AKT3: variants seen among roughly 807,000 people sequenced by gnomAD.
AKT3 encodes the protein AKT serine/threonine kinase 3.
A neutral mutation model predicts 65.3 loss-of-function variants in AKT3; 15 were observed. The ratio of observed to expected loss-of-function variants is 0.23; its 90% CI spans 0.15 to 0.35. The LOEUF (loss-of-function observed/expected upper bound fraction) is 0.35. Among genes scored for constraint, AKT3 ranks in the 10% least tolerant of loss-of-function variants. The pLI, the probability that AKT3 is intolerant of heterozygous loss-of-function variation, is 1.00. For synonymous variants in AKT3, 206 were observed against 183.8 expected (o/e 1.12, Z -0.98); for missense variants, 243 against 576.5 (o/e 0.42, Z 5.92).
At chr1:243,770,742 A>C (rs1002102452) in intron 2 of AKT3, among the ~76,000 whole-genome samples, 1 of 151,852 alleles carries the variant, frequency 6.6e-6, no homozygotes, top group African/African-American at 2.4e-5. Context: ...TAGAAAAAAA[A>C]AAAAAACATT....
rs932771631 is a variant in AKT3, at chr1:243,713,958, G to GA, written c.47-18243dup. Among the ~76,000 whole-genome samples, 14 of 150,508 alleles carry GA rather than the reference G, an allele frequency of 9.3e-5. No individual in the cohort carries two copies. In the East Asian group the frequency reaches 1.4e-3, roughly 15 times the overall value. On this transcript the variant is annotated intron_variant, in intron 2 of 13. Transcript: ENST00000673466. ...TCCGACAGCCTCTATTATGCTAAGG[G>GA]AAAAAAAAACTGGACAGAACTGGGC...
chr1:243,766,187 A>G (rs1689805774), intron 2 of AKT3, among the ~76,000 whole-genome samples: 1 of 152,124 alleles, frequency 6.6e-6, no homozygotes, highest in African/African-American at 2.4e-5. Flanking sequence ...AAGGTTTGTA[A>G]TCACTGTTAA....
chr1:243,583,540 C>CAAAAAAAAAAAAA (rs1294857854), intron 8 of AKT3, among the ~76,000 whole-genome samples: 4 of 29,978 alleles, frequency 1.3e-4, no homozygotes, highest in Admixed American at 4.3e-4. Flanking sequence ...AAGTAAGTCT[C>CAAAAAAAAAAAAA]AAAAAAAAAA....
intron 4 of AKT3, among the ~76,000 whole-genome samples, chr1:243,662,974 T>C (rs1168171640): frequency 2.0e-5 from 3 of 152,180 alleles, no homozygotes; most frequent in Non-Finnish European, 4.4e-5. Context: ...TAAACACAAA[T>C]GGCAAAATGA....
intron 2 of AKT3, among the ~76,000 whole-genome samples, chr1:243,827,383 C>T (rs1694238281): frequency 6.6e-6 from 1 of 152,120 alleles, no homozygotes; most frequent in Non-Finnish European, 1.5e-5. Context: ...TTAACCACAT[C>T]AAATGACTTC....
At chr1:243,703,773 A>AAG (rs1553437107) in intron 2 of AKT3, among the ~76,000 whole-genome samples, 35 of 146,342 alleles carry the variant, frequency 2.4e-4, no homozygotes, top group African/African-American at 6.6e-4. Context: ...AAAAAAAAAA[A>AAG]AAAAAGAAAA....
intron 2 of AKT3, among the ~76,000 whole-genome samples, chr1:243,737,161 C>T (rs941702433): frequency 6.6e-6 from 1 of 152,152 alleles, no homozygotes; most frequent in Non-Finnish European, 1.5e-5. Flanking sequence ...AAGCTCAAAA[C>T]TTCTAGAAAG....
chr1:243,610,727 T>C (rs1196316732), intron 8 of AKT3, among the ~76,000 whole-genome samples: 2 of 152,234 alleles, frequency 1.3e-5, no homozygotes, highest in Non-Finnish European at 2.9e-5. Context: ...CAAGCACTAA[T>C]ACCCAGTGCA....
chr1:243,561,751 G>T (rs1673799820), intron 10 of AKT3, among the ~76,000 whole-genome samples: 1 of 152,146 alleles, frequency 6.6e-6, no homozygotes, highest in Admixed American at 6.6e-5. Context: ...GCTCTCTTTG[G>T]AAAGCTCTTC....
rs546223289 is a variant in AKT3 at position 243,507,863 on chromosome 1, C to T, written c.1355-2529G>A. ...GGAGGAGGACCATCAATGGCGATAA[C>T]GAAAGATGACACATTCCCAAATCTG... On this transcript the variant is annotated intron_variant, in intron 13 of 13. Transcript: ENST00000673466. Among the ~76,000 whole-genome samples, 11 of 152,292 alleles carry T rather than the reference C, an allele frequency of 7.2e-5. No individual in the cohort carries two copies. In the East Asian group the frequency reaches 7.7e-4, roughly 11 times the overall value.
chr1:243,761,924 G>A (rs1038263561), intron 2 of AKT3, among the ~76,000 whole-genome samples: 1 of 152,038 alleles, frequency 6.6e-6, no homozygotes, highest in East Asian at 1.9e-4. Context: ...TTGTCTCAAC[G>A]TTGCACTGTC....
At chr1:243,776,693 G>C (rs970901782) in intron 2 of AKT3, among the ~76,000 whole-genome samples, 1 of 152,114 alleles carries the variant, frequency 6.6e-6, no homozygotes, top group Non-Finnish European at 1.5e-5. Context: ...AGCTTACACA[G>C]ACTAAATAAC....
intron 8 of AKT3, among the ~76,000 whole-genome samples, chr1:243,576,966 A>G (rs1674987127): frequency 6.6e-6 from 1 of 152,234 alleles, no homozygotes; most frequent in Non-Finnish European, 1.5e-5. Context: ...ACACTACCTG[A>G]CTTCAAACTA....
intron 2 of AKT3, among the ~76,000 whole-genome samples, chr1:243,724,104 G>A (rs895634433): frequency 6.6e-6 from 1 of 152,038 alleles, no homozygotes; most frequent in East Asian, 1.9e-4. Context: ...ATTCAGAAAT[G>A]CTTTTCTGAG....
At chr1:243,650,246 T>C (rs1330841708) in intron 4 of AKT3, among the ~76,000 whole-genome samples, 1 of 152,216 alleles carries the variant, frequency 6.6e-6, no homozygotes, top group African/African-American at 2.4e-5. Context: ...TGCCCACTTT[T>C]TGATGGGGTT....
chr1:243,712,132 T>G (rs564875742), intron 2 of AKT3, among the ~76,000 whole-genome samples: 1 of 152,338 alleles, frequency 6.6e-6, no homozygotes, highest in South Asian at 2.1e-4. Flanking sequence ...GGATTGACTA[T>G]GAAACTGTAA....
Position 243,512,420 on chromosome 1 carries a change from G to A in AKT3, c.1258C>T (p.Pro420Ser), listed in dbSNP as rs762883936. 9 of 1,540,322 alleles carry A rather than the reference G, an allele frequency of 5.8e-6. No individual in the cohort carries two copies. In the Admixed American group the frequency reaches 1.4e-4, roughly 25 times the overall value. The change falls in exon 13 of 14, where the codon CCT (proline) becomes TCT (serine). Residue 420 changes from proline (P) to serine (S), a missense_variant. Transcript: ENST00000673466. ...WQDVYDKKLV[P>S]PFKPQVTSET... Reference sequence around the variant, plus strand: ...GATGTTACTTGAGGTTTAAAAGGAGGTACAAGCTGTAAAAAGAAAGAAAAA... The same window carrying A: ...GATGTTACTTGAGGTTTAAAAGGAGATACAAGCTGTAAAAAGAAAGAAAAA...
intron 2 of AKT3, among the ~76,000 whole-genome samples, chr1:243,764,077 C>T (rs1386719106): frequency 6.6e-6 from 1 of 152,032 alleles, no homozygotes; most frequent in East Asian, 1.9e-4. Flanking sequence ...GCTTATACAA[C>T]AGATTACAAT....
chr1:243,587,668 C>T (rs941165537), intron 8 of AKT3, among the ~76,000 whole-genome samples: 2 of 152,108 alleles, frequency 1.3e-5, no homozygotes, highest in Non-Finnish European at 2.9e-5. Flanking sequence ...CCATCTTCTA[C>T]ACAAGGATAT....
Sources: gnomAD v4.1 joint callset for allele counts (sites outside exome capture counted in the v4.1 genomes callset) on GRCh38, gnomAD v4.1.1 for gene constraint, MANE v1.5 for transcripts, NCBI Gene and HGNC (gene_info 2026-07-23, HGNC 2026-07-21) for gene names.